Variants in CA10 observed in about 807,000 individuals in gnomAD.
The protein encoded by CA10 is carbonic anhydrase-related protein 10.
In CA10, 14 loss-of-function variants were observed where a neutral mutation model predicts 44.2. The observed-to-expected ratio is 0.32, with a 90% CI of 0.21 to 0.50. The LOEUF (loss-of-function observed/expected upper bound fraction) is 0.50. CA10 is among the 20% of genes least tolerant of loss of function. The pLI is 0.99. For missense variants in CA10, 350 were observed against 409.7 expected, an observed-to-expected ratio of 0.85 and a Z score of 1.26; for synonymous variants, 159 against 141.6, an observed-to-expected ratio of 1.12 and a Z score of -0.87.
chr17:51,799,871 GA>G (rs895936946), intron 3 of CA10, among the ~76,000 whole-genome samples: 7 of 152,326 alleles, frequency 4.6e-5, no homozygotes, highest in African/African-American at 1.7e-4. Flanking sequence ...GACAAGTGTT[GA>G]TGAGGATGCG....
intron 1 of CA10, among the ~76,000 whole-genome samples, chr17:52,087,027 CCTG>C (rs1988134042): frequency 1.3e-5 from 2 of 152,160 alleles, no homozygotes; most frequent in Admixed American, 1.3e-4. Context: ...ATCTCTTTCC[CCTG>C]CTTTCTTACT....
At chr17:51,765,691 C>CTGTGTGTGTGTGTGTGTGTGTG (rs61631215) in intron 3 of CA10, among the ~76,000 whole-genome samples, 1 of 140,282 alleles carries the variant, frequency 7.1e-6, no homozygotes, top group South Asian at 2.4e-4. Flanking sequence ...AGGCAGCTCC[C>CTGTGTGTGTGTGTGTGTGTGTG]TGTGTGTGTG....
At chr17:52,065,004 G>A (rs561838273) in intron 2 of CA10, among the ~76,000 whole-genome samples, 12 of 152,018 alleles carry the variant, frequency 7.9e-5, no homozygotes, top group Non-Finnish European at 1.6e-4. Flanking sequence ...ACTTTATGTG[G>A]CCCACAAGGC....
chr17:51,878,893 G>GGTGTGTGTGTGTGT (rs375444434), intron 3 of CA10, among the ~76,000 whole-genome samples: 1 of 52,352 alleles, frequency 1.9e-5, no homozygotes, highest in Admixed American at 2.1e-4. Context: ...TATATATATG[G>GGTGTGTGTGTGTGT]GTGTGTGTGT....
At chr17:51,896,158 G>T (rs1981059082) in intron 3 of CA10, among the ~76,000 whole-genome samples, 1 of 152,068 alleles carries the variant, frequency 6.6e-6, no homozygotes, top group South Asian at 2.1e-4. Flanking sequence ...TGCATGTCAT[G>T]GGAGTTTGGT....
At chr17:52,142,345 C>A (rs557830830) in intron 1 of CA10, among the ~76,000 whole-genome samples, 1 of 152,268 alleles carries the variant, frequency 6.6e-6, no homozygotes, top group African/African-American at 2.4e-5. Flanking sequence ...AGTCTTCCTC[C>A]TTTACAAAGA....
At chr17:52,123,359 G>GTA (rs1989052109) in intron 1 of CA10, among the ~76,000 whole-genome samples, 1 of 124,884 alleles carries the variant, frequency 8.0e-6, no homozygotes, top group Admixed American at 9.0e-5. Context: ...GTGTATGTGT[G>GTA]TATATATATG....
At chr17:51,779,127 G>A (rs1054099307) in intron 3 of CA10, among the ~76,000 whole-genome samples, 7 of 152,138 alleles carry the variant, frequency 4.6e-5, no homozygotes, top group South Asian at 2.1e-4. Context: ...CAGAACAGGT[G>A]TTTGGGAGTT....
intron 3 of CA10, among the ~76,000 whole-genome samples, chr17:51,786,035 G>A (rs1230423774): frequency 1.3e-5 from 2 of 151,926 alleles, no homozygotes; most frequent in African/African-American, 4.8e-5. Context: ...TCACTTATTT[G>A]GTATTTAAAT....
chr17:51,700,178 C>T (rs918296789), intron 4 of CA10, among the ~76,000 whole-genome samples: 2 of 152,140 alleles, frequency 1.3e-5, no homozygotes, highest in South Asian at 2.1e-4. Context: ...GTGAATGTCC[C>T]GGTCAGTGAA....
chr17:52,024,925 T>C (rs1342655073), intron 2 of CA10, among the ~76,000 whole-genome samples: 1 of 151,712 alleles, frequency 6.6e-6, no homozygotes, highest in East Asian at 2.0e-4. Context: ...ATCATTACCA[T>C]GAAGAAAGAG....
At chr17:51,848,325 C>T (rs1215811653) in intron 3 of CA10, among the ~76,000 whole-genome samples, 1 of 152,120 alleles carries the variant, frequency 6.6e-6, no homozygotes, top group Non-Finnish European at 1.5e-5. Flanking sequence ...TTAAATTTTG[C>T]ACCTGAGGCT....
chr17:52,080,382 G>A (rs922142304), intron 1 of CA10, among the ~76,000 whole-genome samples: 1 of 151,830 alleles, frequency 6.6e-6, no homozygotes, highest in Non-Finnish European at 1.5e-5. Context: ...AACCAGGGAG[G>A]CGGAGCTTGC....
chr17:52,098,628 T>A (rs1170928881), intron 1 of CA10, among the ~76,000 whole-genome samples: 1 of 152,168 alleles, frequency 6.6e-6, no homozygotes, highest in Non-Finnish European at 1.5e-5. Flanking sequence ...ATCTTCTATT[T>A]ATGGAGATAT....
intron 3 of CA10, among the ~76,000 whole-genome samples, chr17:51,784,214 A>G: frequency 6.6e-6 from 1 of 152,136 alleles, no homozygotes. Flanking sequence ...GCTGGACCCC[A>G]TGGAGCTGGC....
At chr17:51,843,517 T>C (rs1042532998) in intron 3 of CA10, among the ~76,000 whole-genome samples, 14 of 152,158 alleles carry the variant, frequency 9.2e-5, no homozygotes, top group African/African-American at 3.1e-4. Flanking sequence ...TGATTTTTTT[T>C]CCCCCACGTG....
chr17:51,796,027 C>CA (rs755154648), intron 3 of CA10, among the ~76,000 whole-genome samples: 3 of 152,162 alleles, frequency 2.0e-5, no homozygotes, highest in Non-Finnish European at 2.9e-5. Context: ...TGGAATGAGA[C>CA]AGAGGTTTCT....
At chr17:51,661,376 C>T (rs1914002083) in intron 4 of CA10, among the ~76,000 whole-genome samples, 1 of 152,162 alleles carries the variant, frequency 6.6e-6, no homozygotes, top group African/African-American at 2.4e-5. Context: ...TAATGGGAAC[C>T]AAGACACTGA....
intron 1 of CA10, among the ~76,000 whole-genome samples, chr17:52,132,215 A>C (rs1390158835): frequency 2.6e-5 from 4 of 152,160 alleles, no homozygotes; most frequent in African/African-American, 9.7e-5. Flanking sequence ...TTAAATTAAA[A>C]AAATTAAAAC....
Sources: allele counts gnomAD v4.1 joint callset (sites outside exome capture counted in the v4.1 genomes callset), GRCh38; gene constraint gnomAD v4.1.1; transcripts MANE v1.5; gene names NCBI Gene and HGNC (gene_info 2026-07-23, HGNC 2026-07-21).